NAV1: variants seen among roughly 807,000 people sequenced by gnomAD.
NAV1 encodes the protein pore membrane and/or filament interacting like protein 3.
In NAV1, 18 loss-of-function variants were observed where a neutral mutation model predicts 175.2. The observed-to-expected ratio is 0.10, with a 90% CI of 0.07 to 0.15. NAV1 has a LOEUF of 0.15. Ranked by LOEUF, NAV1 falls within the 10% of genes least tolerant of loss-of-function variation. The pLI is 1.00. For missense variants in NAV1, 1,731 were observed against 2,436.6 expected, an observed-to-expected ratio of 0.71 and a Z score of 6.10; for synonymous variants, 897 against 978.7, an observed-to-expected ratio of 0.92 and a Z score of 1.56.
chr1:201,746,993 CAAAA>C (rs35001839), intron 3 of NAV1, among the ~76,000 whole-genome samples: 1 of 132,784 alleles, frequency 7.5e-6, no homozygotes, highest in Admixed American at 7.6e-5. Context: ...GACCCTGTCT[CAAAA>C]AAAAAAAAAA....
chr1:201,720,193 A>C (rs1194650762), intron 3 of NAV1, among the ~76,000 whole-genome samples: 2 of 152,092 alleles, frequency 1.3e-5, no homozygotes, highest in Non-Finnish European at 2.9e-5. Context: ...GCTGCTCCAC[A>C]CAGCCTCTGC....
intron 3 of NAV1, chr1:201,724,417 C>T (rs1672516552): frequency 6.6e-6 from 1 of 152,122 alleles, no homozygotes; most frequent in Non-Finnish European, 1.5e-5. Flanking sequence ...GTCAGAGGGC[C>T]CTCCATCTTC....
chr1:201,552,654 C>T (rs1306982809), intron 1 of NAV1, among the ~76,000 whole-genome samples: 1 of 152,128 alleles, frequency 6.6e-6, no homozygotes. Flanking sequence ...GTGTTAAGCA[C>T]CCTCTGGCCT....
At chr1:201,786,207 G>A (rs796994423) in intron 8 of NAV1, among the ~76,000 whole-genome samples, 2 of 152,150 alleles carry the variant, frequency 1.3e-5, no homozygotes, top group African/African-American at 2.4e-5. Context: ...GAACCCTTAC[G>A]GGAATACCTG....
In NAV1 at chr1:201,718,255, G is replaced by C; in HGVS notation, c.861-135G>C. On this transcript the variant is annotated intron_variant, in intron 2 of 29. Coordinates refer to ENST00000367296, the Ensembl canonical transcript of NAV1. This position sits in a 1 kb window ranked among gnomAD's most constrained non-coding sequence, Gnocchi z 4.8. Reference sequence around the variant, plus strand: ...CACAACCAGAGGCCTCATGGAGGAGGTGGAGCTTGGGCAGGTGGGGAGGAG... The same window carrying C: ...CACAACCAGAGGCCTCATGGAGGAGCTGGAGCTTGGGCAGGTGGGGAGGAG... The C allele has an allele frequency of 1.2e-6, 1 of 856,974 alleles. No homozygotes were observed. The highest frequency in any genetic ancestry group is 1.7e-6 in the Non-Finnish European group (1 of 596,000). The allele number at this position is 856,974 out of a possible 1,614,324, so 53.1% of individuals were successfully genotyped here. A position where few individuals can be genotyped will look rare whatever the true frequency, so the allele number is the denominator to read the frequency against.
At chr1:201,745,903 G>C (rs531482180) in intron 3 of NAV1, among the ~76,000 whole-genome samples, 1 of 152,118 alleles carries the variant, frequency 6.6e-6, no homozygotes, top group East Asian at 1.9e-4. Flanking sequence ...CGCCATCTCC[G>C]CTCATTGCCA....
At chr1:201,697,481 T>A (rs1418073353) in intron 1 of NAV1, among the ~76,000 whole-genome samples, 1 of 152,092 alleles carries the variant, frequency 6.6e-6, no homozygotes, top group Non-Finnish European at 1.5e-5. Context: ...TCTCTCATAA[T>A]CCTCCTCAAA....
At chr1:201,611,335 C>T (rs1406278781) in intron 2 of NAV1, among the ~76,000 whole-genome samples, 1 of 152,180 alleles carries the variant, frequency 6.6e-6, no homozygotes, top group Non-Finnish European at 1.5e-5. Context: ...CTATGCGCTC[C>T]CCACCACGAC....
At chr1:201,725,903 G>A (rs187595730) in intron 3 of NAV1, among the ~76,000 whole-genome samples, 1 of 152,296 alleles carries the variant, frequency 6.6e-6, no homozygotes, top group African/African-American at 2.4e-5. Flanking sequence ...GTTGCAGTGA[G>A]CTATGATCAC....
At chr1:201,789,689 C>T (rs766309148) in intron 10 of NAV1, 51 bp from the exon 15 acceptor site, 16 of 1,569,192 alleles carry the variant, frequency 1.0e-5, no homozygotes, top group Admixed American at 1.7e-5. Context: ...TCCAAAAACC[C>T]CTTGTCCCTG....
chr1:201,660,562 G>A (rs1212336219), intron 1 of NAV1, among the ~76,000 whole-genome samples: 2 of 152,148 alleles, frequency 1.3e-5, no homozygotes, highest in Non-Finnish European at 2.9e-5. Context: ...GACTCTAATC[G>A]AGGCCATGCA....
intron 1 of NAV1, among the ~76,000 whole-genome samples, chr1:201,662,316 T>C (rs1669643424): frequency 6.6e-6 from 1 of 152,246 alleles, no homozygotes; most frequent in South Asian, 2.1e-4. Flanking sequence ...GTTTGTAGGA[T>C]CTATGGCTGA....
chr1:201,672,331 A>G (rs1670073175), intron 1 of NAV1, among the ~76,000 whole-genome samples: 1 of 152,180 alleles, frequency 6.6e-6, no homozygotes, highest in South Asian at 2.1e-4. Flanking sequence ...AATCCACTAC[A>G]TTGATTTCAT....
intron 22 of NAV1, 84 bp downstream of exon 26, chr1:201,809,621 C>A: frequency 7.6e-7 from 1 of 1,322,972 alleles, no homozygotes; most frequent in Non-Finnish European, 1.1e-6. Flanking sequence ...CTCACTCTTG[C>A]CACCCAGGCT....
chr1:201,632,114 TGAG>T (rs1668495474), intron 2 of NAV1, among the ~76,000 whole-genome samples: 1 of 152,042 alleles, frequency 6.6e-6, no homozygotes, highest in Non-Finnish European at 1.5e-5. Context: ...GTTTGGGGGG[TGAG>T]TGCAGAGTCT....
upstream of NAV1, among the ~76,000 whole-genome samples, chr1:201,645,442 C>T (rs1269286355): frequency 1.3e-5 from 2 of 151,010 alleles, no homozygotes; most frequent in Non-Finnish European, 2.9e-5. Context: ...AGGAGATATA[C>T]CTAATGCTAA....
chr1:201,661,863 G>A (rs914003340), intron 1 of NAV1, among the ~76,000 whole-genome samples: 2 of 152,180 alleles, frequency 1.3e-5, no homozygotes, highest in Non-Finnish European at 2.9e-5. Context: ...TTAAGGACTC[G>A]TCATAATATC....
At chr1:201,618,944 C>T (rs554222663), upstream of NAV1, among the ~76,000 whole-genome samples, 2 of 152,236 alleles carry the variant, frequency 1.3e-5, no homozygotes, top group East Asian at 1.9e-4. Flanking sequence ...GCTAAAATAA[C>T]TCACTGTTTG....
intron 2 of NAV1, among the ~76,000 whole-genome samples, chr1:201,594,073 T>C (rs994909562): frequency 2.1e-4 from 13 of 60,964 alleles, no homozygotes; most frequent in African/African-American, 1.3e-3. Context: ...GGAGTGGCAC[T>C]TTTTTTTTTT....
Sources: gnomAD v4.1 joint callset for allele counts (sites outside exome capture counted in the v4.1 genomes callset) on GRCh38, gnomAD v4.1.1 for gene constraint, Gnocchi (gnomAD v3.1) non-coding constraint, MANE v1.5 for transcripts, NCBI Gene and HGNC (gene_info 2026-07-23, HGNC 2026-07-21) for gene names.